Variants in GRK5 observed in about 807,000 individuals in gnomAD.
GRK5 encodes the protein g protein-coupled receptor kinase GRK5.
A neutral mutation model predicts 78.4 loss-of-function variants in GRK5; 40 were observed. The ratio of observed to expected loss-of-function variants is 0.51; its 90% confidence interval spans 0.40 to 0.66. GRK5 has a LOEUF of 0.66. Among genes scored for constraint, GRK5 ranks in the 30% least tolerant of loss-of-function variants. The pLI is 0.00. For synonymous variants in GRK5, 289 were observed against 296.8 expected (o/e 0.97, Z 0.27); for missense variants, 598 against 759.9 (o/e 0.79, Z 2.50).
chr10:119,368,735 T>C (rs1445297257), intron 2 of GRK5, among the ~76,000 whole-genome samples: 1 of 152,218 alleles, frequency 6.6e-6, no homozygotes, highest in African/African-American at 2.4e-5. Context: ...ACCGCCTCAC[T>C]TCTGGGGGCT....
At chr10:119,374,188 G>A (rs1041298787) in intron 2 of GRK5, among the ~76,000 whole-genome samples, 2 of 152,178 alleles carry the variant, frequency 1.3e-5, no homozygotes, top group African/African-American at 4.8e-5. Flanking sequence ...AGGTTTGCAG[G>A]TTGAGAAGGG....
chr10:119,440,748 G>A (rs1425928363), intron 10 of GRK5, among the ~76,000 whole-genome samples: 1 of 151,996 alleles, frequency 6.6e-6, no homozygotes, highest in Non-Finnish European at 1.5e-5. Flanking sequence ...ATGGGGTTTT[G>A]CCATGTTGAC....
chr10:119,225,574 G>T (rs541342678), intron 1 of GRK5, among the ~76,000 whole-genome samples: 1 of 152,110 alleles, frequency 6.6e-6, no homozygotes, highest in Non-Finnish European at 1.5e-5. Context: ...CTCCTGCAAG[G>T]TTTGTCTAGA....
In GRK5 at chr10:119,455,727, C is replaced by G; in HGVS notation, c.*660C>G. ...CTTGGAACAATCTGAATTAAATGTT[C>G]CAGACACACGTGGGACTTCCCCCTC... On this transcript the variant is annotated 3_prime_UTR_variant, in exon 16 of 16. Transcript: ENST00000392870. 1 of 211,288 alleles carries G rather than the reference C, an allele frequency of 4.7e-6. No homozygotes were observed. The highest frequency in any genetic ancestry group is 6.1e-5 in the Admixed American group (1 of 16,370). The allele number at this position is 211,288 out of a possible 1,614,324, so 13.1% of individuals were successfully genotyped here.
At chr10:119,344,337 A>T (rs967562853) in intron 2 of GRK5, among the ~76,000 whole-genome samples, 1 of 150,848 alleles carries the variant, frequency 6.6e-6, no homozygotes, top group Non-Finnish European at 1.5e-5. Context: ...CGCTTCCCCC[A>T]CCCCACGACA....
At position 119,300,541 on chromosome 10, in the gene GRK5, C is replaced by T. The variant is rs1342687223; in HGVS notation, c.53-25975C>T. ...ATTGGGAAAGGACAGAGGTTGCCCC[C>T]TCTTTCCCCCAGATAGTCGCCCAGC... On this transcript the variant is annotated intron_variant, in intron 1 of 15. Coordinates refer to ENST00000392870, the MANE Select transcript of GRK5 (RefSeq NM_005308.3). 2.6e-5 allele frequency among the ~76,000 whole-genome samples: 4 copies of T among 152,208 alleles called. No homozygotes were observed. In the South Asian group the frequency reaches 6.2e-4, roughly 24 times the overall value.
intron 1 of GRK5, among the ~76,000 whole-genome samples, chr10:119,241,396 A>G (rs1849023357): frequency 6.6e-6 from 1 of 152,156 alleles, no homozygotes; most frequent in Non-Finnish European, 1.5e-5. Context: ...CCTGTCAGCA[A>G]CTGACAGGTT....
At chr10:119,312,794 G>T (rs1204013966) in intron 1 of GRK5, among the ~76,000 whole-genome samples, 1 of 152,224 alleles carries the variant, frequency 6.6e-6, no homozygotes, top group Non-Finnish European at 1.5e-5. Context: ...TGTGTATGTA[G>T]GGCATAGTAG....
intron 1 of GRK5, among the ~76,000 whole-genome samples, chr10:119,234,794 G>A (rs1848892985): frequency 6.6e-6 from 1 of 151,820 alleles, no homozygotes; most frequent in Non-Finnish European, 1.5e-5. Flanking sequence ...CTGGGTTCAA[G>A]TGATTGTCCT....
intron 2 of GRK5, among the ~76,000 whole-genome samples, chr10:119,344,917 CCTTCCTTCCTTCCTTCCTTTT>C (rs1851057857): frequency 1.4e-5 from 2 of 140,856 alleles, no homozygotes; most frequent in Admixed American, 1.4e-4. Flanking sequence ...TTCCTTCCTT[CCTTCCTTCCTTCCTTCCTTTT>C]CCTCCCTCCC....
intron 3 of GRK5, among the ~76,000 whole-genome samples, chr10:119,382,153 C>T (rs755161608): frequency 1.3e-5 from 2 of 152,034 alleles, no homozygotes; most frequent in Non-Finnish European, 2.9e-5. Context: ...GTGCTTGGCT[C>T]CTTGACCCTG....
Position 119,280,786 on chromosome 10 carries a change from T to G in GRK5, c.53-45730T>G, listed in dbSNP as rs1379890344. ...TTCCCTCCCTCCCTCCTTTTCTTTTTTTTTTTTTTTTGAGACAGAGTCTCA... is the reference window on the plus strand; with the variant it reads ...TTCCCTCCCTCCCTCCTTTTCTTTTGTTTTTTTTTTTGAGACAGAGTCTCA... On this transcript the variant is annotated intron_variant, in intron 1 of 15. Coordinates refer to ENST00000392870, the MANE Select transcript of GRK5 (RefSeq NM_005308.3). 6.7e-5 allele frequency among the ~76,000 whole-genome samples: 10 copies of G among 149,122 alleles called. No homozygotes were observed. In the East Asian group the frequency reaches 2.0e-3, roughly 29 times the overall value.
At chr10:119,223,050 T>C (rs1239714397) in intron 1 of GRK5, among the ~76,000 whole-genome samples, 1 of 152,208 alleles carries the variant, frequency 6.6e-6, no homozygotes, top group East Asian at 1.9e-4. Flanking sequence ...AACAGACATC[T>C]ATTGTCGCAC....
intron 1 of GRK5, among the ~76,000 whole-genome samples, chr10:119,256,123 G>A (rs1353129998): frequency 2.0e-5 from 3 of 151,890 alleles, no homozygotes; most frequent in South Asian, 2.1e-4. Flanking sequence ...TCTGTCAGGA[G>A]AGGATCCCAG....
chr10:119,243,014 G>A (rs757322809), intron 1 of GRK5, among the ~76,000 whole-genome samples: 9 of 152,134 alleles, frequency 5.9e-5, no homozygotes, highest in Non-Finnish European at 1.2e-4. Context: ...TGAGGTAGGC[G>A]GATCACCTAA....
rs951710488 is a variant in GRK5, at chr10:119,309,376, G to A, written c.53-17140G>A. ...GAAGAACTCTGGGGGAGGCAGAGCC[G>A]AGCTCAGTAAGGCCTTGGTGGGAGG... is the stretch of plus-strand genomic sequence containing the variant. On this transcript the variant is annotated intron_variant, in intron 1 of 15. Transcript: ENST00000392870. Among the ~76,000 whole-genome samples, 7 of 152,202 alleles carry A rather than the reference G, an allele frequency of 4.6e-5. No individual in the cohort carries two copies. The East Asian group carries it at 5.8e-4, about 13-fold the overall frequency.
intron 2 of GRK5, among the ~76,000 whole-genome samples, chr10:119,346,404 C>T (rs1851094303): frequency 6.6e-6 from 1 of 152,244 alleles, no homozygotes. Context: ...CAGTTATTTA[C>T]TGACCATGAT....
intron 3 of GRK5, among the ~76,000 whole-genome samples, chr10:119,394,206 CTG>C (rs1185471801): frequency 4.4e-5 from 1 of 22,634 alleles, no homozygotes; most frequent in Non-Finnish European, 9.5e-5. Context: ...GGGTGTGTAT[CTG>C]TGTGTGGGTA....
intron 1 of GRK5, among the ~76,000 whole-genome samples, chr10:119,298,229 T>G (rs74157652): frequency 0.034 from 5,227 of 152,306 alleles, 100 homozygotes; most frequent in African/African-American, 0.053. Context: ...CCAAGATTTT[T>G]GGGCTCCTAC....
Sources: allele counts gnomAD v4.1 joint callset (sites outside exome capture counted in the v4.1 genomes callset), GRCh38; gene constraint gnomAD v4.1.1; transcripts MANE v1.5; gene names NCBI Gene and HGNC (gene_info 2026-07-23, HGNC 2026-07-21).